TUSC3: variants seen among roughly 807,000 people sequenced by gnomAD.
The protein encoded by TUSC3 is tumor suppressor candidate 3, also known as dolichyl-diphosphooligosaccharide--protein glycosyltransferase subunit TUSC3.
TUSC3 carries 45 observed loss-of-function variants against 44.8 expected under a neutral mutation model. The ratio of observed to expected loss-of-function variants is 1.00; its 90% CI spans 0.79 to 1.29. The LOEUF is 1.29. TUSC3 is among the 50% of genes most tolerant of loss of function. The probability of loss-of-function intolerance (pLI) is 0.00; values close to 1 mark genes in which losing one functional copy is unlikely to be tolerated. For missense variants in TUSC3, 519 were observed against 437.9 expected, an observed-to-expected ratio of 1.19 and a Z score of -1.65; for synonymous variants, 212 against 152.9, an observed-to-expected ratio of 1.39 and a Z score of -2.85.
At chr8:15,735,029 GTAT>G (rs1216481090) in intron 7 of TUSC3, among the ~76,000 whole-genome samples, 2 of 152,162 alleles carry the variant, frequency 1.3e-5, no homozygotes, top group Admixed American at 1.3e-4. Flanking sequence ...TCTTTTTGAA[GTAT>G]TATGAGGTTG....
intron 6 of TUSC3, among the ~76,000 whole-genome samples, chr8:15,708,689 C>T (rs1466634384): frequency 6.6e-6 from 1 of 151,854 alleles, no homozygotes; most frequent in Non-Finnish European, 1.5e-5. Context: ...AACAGTCAAT[C>T]AACGTTTATT....
At chr8:15,684,267 A>T (rs952609938) in intron 6 of TUSC3, among the ~76,000 whole-genome samples, 2 of 151,974 alleles carry the variant, frequency 1.3e-5, no homozygotes, top group African/African-American at 4.8e-5. Context: ...AGTCCAAGAG[A>T]GTCACAACTC....
At chr8:15,681,533 C>T (rs976609533) in intron 6 of TUSC3, among the ~76,000 whole-genome samples, 14 of 147,260 alleles carry the variant, frequency 9.5e-5, no homozygotes, top group South Asian at 8.6e-4. Context: ...TTGTCATTTC[C>T]GATTGTGCTT....
At chr8:15,668,624 G>C (rs1448013566) in intron 5 of TUSC3, among the ~76,000 whole-genome samples, 1 of 151,704 alleles carries the variant, frequency 6.6e-6, no homozygotes, top group Non-Finnish European at 1.5e-5. Context: ...GGTGTCCCAA[G>C]ATGGTATTAT....
chr8:15,803,214 TA>T, the TUSC3 span, among the ~76,000 whole-genome samples: 57,709 of 151,996 alleles, frequency 0.38, 13,249 homozygotes, highest in Non-Finnish European at 0.51. Flanking sequence ...AAATAGAATT[TA>T]TCTTTCCGGC....
the TUSC3 span, among the ~76,000 whole-genome samples, chr8:15,803,723 C>G: frequency 2.0e-5 from 3 of 152,074 alleles, no homozygotes; most frequent in Admixed American, 1.3e-4. Context: ...TGCCTCACCC[C>G]CTGGCAGGCC....
At chr8:15,741,240 A>G (rs1811183924) in intron 7 of TUSC3, among the ~76,000 whole-genome samples, 1 of 152,140 alleles carries the variant, frequency 6.6e-6, no homozygotes, top group Admixed American at 6.5e-5. Context: ...ACTGTCATAC[A>G]TTTTATTTTG....
the TUSC3 span, among the ~76,000 whole-genome samples, chr8:15,834,513 A>G: frequency 1.2e-4 from 18 of 152,278 alleles, no homozygotes; most frequent in African/African-American, 3.8e-4. Context: ...AACATTATCT[A>G]TTGCAAGGTA....
chr8:15,807,395 C>G, the TUSC3 span: 1 of 289,246 alleles, frequency 3.5e-6, no homozygotes, highest in African/African-American at 2.3e-5. Context: ...GAAGGCAATG[C>G]TTATACACTG....
At position 15,462,758 on chromosome 8, in the gene TUSC3, C is replaced by G. The variant is rs574679959; in HGVS notation, n.92-20628C>G. Among the ~76,000 whole-genome samples the G allele has an allele frequency of 1.4e-4, 22 of 152,140 alleles. 1 individual carries two copies. Among genetic ancestry groups the G allele is most frequent in the African/African-American group, 5.1e-4 (21 of 41,558 alleles). ...CTGACAATTTACTTTTGCACCAGTA[C>G]AGAGCTGTTAAAGCTTTTGCTTCAG... On this transcript the variant is annotated intron_variant and non_coding_transcript_variant, in intron 1 of 5. Coordinates refer to the TUSC3 transcript ENST00000503191.
chr8:15,448,409 A>T (rs1252440665), intron 1 of TUSC3, among the ~76,000 whole-genome samples: 3 of 152,092 alleles, frequency 2.0e-5, no homozygotes, highest in African/African-American at 7.2e-5. Flanking sequence ...ATGTGCCACC[A>T]TGCCCAGCCT....
At chr8:15,622,459 C>G (rs775203237) in intron 1 of TUSC3, among the ~76,000 whole-genome samples, 1 of 152,058 alleles carries the variant, frequency 6.6e-6, no homozygotes, top group Non-Finnish European at 1.5e-5. Context: ...ACAGAAGCTA[C>G]AGTGCTGTCT....
At chr8:15,759,396 C>T (rs1812076057) in intron 10 of TUSC3, among the ~76,000 whole-genome samples, 1 of 151,952 alleles carries the variant, frequency 6.6e-6, no homozygotes. Context: ...CCGGCTTCCA[C>T]TTGGACAGAA....
intron 2 of TUSC3, among the ~76,000 whole-genome samples, chr8:15,523,696 G>GTATATATA (rs1563273674): frequency 9.7e-4 from 47 of 48,556 alleles, no homozygotes; most frequent in Middle Eastern, 0.012. Context: ...GTGTGTGTGT[G>GTATATATA]TGTGTGTGTG....
intron 2 of TUSC3, among the ~76,000 whole-genome samples, chr8:15,649,718 G>A (rs1370188833): frequency 6.6e-6 from 1 of 151,960 alleles, no homozygotes; most frequent in African/African-American, 2.4e-5. Flanking sequence ...TCCTTTGAGA[G>A]TCTAACTTCC....
chr8:15,556,830 T>C (rs1265237438), intron 1 of TUSC3, among the ~76,000 whole-genome samples: 36 of 124,956 alleles, frequency 2.9e-4, no homozygotes, highest in African/African-American at 9.5e-4. Context: ...TCATGTCCTT[T>C]GCCCACTTTT....
intron 1 of TUSC3, among the ~76,000 whole-genome samples, chr8:15,563,309 G>T (rs1018508209): frequency 5.9e-5 from 9 of 152,098 alleles, no homozygotes; most frequent in Admixed American, 5.9e-4. Flanking sequence ...ATTTGCAATG[G>T]TGTGAACCTG....
chr8:15,658,313 CTG>C (rs1448628791), intron 3 of TUSC3, among the ~76,000 whole-genome samples: 2 of 152,064 alleles, frequency 1.3e-5, no homozygotes, highest in Non-Finnish European at 2.9e-5. Context: ...GTGTGAAGCT[CTG>C]TAAAATGATT....
At chr8:15,483,843 G>A (rs1470690526) in intron 2 of TUSC3, among the ~76,000 whole-genome samples, 1 of 149,882 alleles carries the variant, frequency 6.7e-6, no homozygotes, top group African/African-American at 2.5e-5. Context: ...ATTTTTAGTA[G>A]AGACGGGGTT....
Sources: gnomAD v4.1 joint callset for allele counts (sites outside exome capture counted in the v4.1 genomes callset) on GRCh38, gnomAD v4.1.1 for gene constraint, MANE v1.5 for transcripts, NCBI Gene and HGNC (gene_info 2026-07-23, HGNC 2026-07-21) for gene names.